The following MAML2 variants were observed in gnomAD, a reference collection of about 807,000 sequenced individuals.
MAML2 encodes the protein mastermind-like protein 2.
MAML2 carries 22 observed loss-of-function variants against 96.1 expected under a neutral mutation model. That is an observed-to-expected ratio of 0.23 (90% CI 0.16 to 0.33). The LOEUF is 0.33. Among genes scored for constraint, MAML2 ranks in the 10% least tolerant of loss-of-function variants. The pLI, the probability that MAML2 is intolerant of heterozygous loss-of-function variation, is 1.00. For missense variants in MAML2, 1,367 were observed against 1,392.4 expected (o/e 0.98, Z 0.29); for synonymous variants, 561 against 521.3 (o/e 1.08, Z -1.04).
At chr11:96,339,521 C>T (rs1408793691) in intron 1 of MAML2, among the ~76,000 whole-genome samples, 4 of 152,196 alleles carry the variant, frequency 2.6e-5, no homozygotes, top group African/African-American at 9.6e-5. Flanking sequence ...AAGGGAAGCC[C>T]ACTGTGGCTC....
At chr11:96,288,976 C>T (rs1370713190) in intron 1 of MAML2, among the ~76,000 whole-genome samples, 2 of 152,110 alleles carry the variant, frequency 1.3e-5, no homozygotes, top group African/African-American at 2.4e-5. Context: ...ACATGGCTAT[C>T]GCAGTGTACT....
intron 1 of MAML2, among the ~76,000 whole-genome samples, chr11:96,262,205 A>C (rs978454720): frequency 8.5e-5 from 13 of 152,214 alleles, no homozygotes; most frequent in African/African-American, 3.1e-4. Context: ...AAGATTAAAA[A>C]TTGTGTACGG....
At chr11:95,997,686 C>A (rs1166215357) in intron 2 of MAML2, among the ~76,000 whole-genome samples, 1 of 152,000 alleles carries the variant, frequency 6.6e-6, no homozygotes, top group African/African-American at 2.4e-5. Flanking sequence ...CTCAAAATGC[C>A]ATCCCAATCA....
chr11:95,994,686 G>C (rs1857965645), intron 2 of MAML2, among the ~76,000 whole-genome samples: 1 of 152,184 alleles, frequency 6.6e-6, no homozygotes, highest in South Asian at 2.1e-4. Flanking sequence ...CTCTCCACTT[G>C]AACCAGAATA....
At chr11:96,065,415 GCACACACACACACA>G (rs35035966) in intron 2 of MAML2, among the ~76,000 whole-genome samples, 1 of 149,462 alleles carries the variant, frequency 6.7e-6, no homozygotes, top group African/African-American at 2.5e-5. Flanking sequence ...GTGCGTGCAT[GCACACACACACACA>G]CACACACACA....
chr11:96,142,819 C>T (rs1290211870), intron 1 of MAML2, among the ~76,000 whole-genome samples: 1 of 152,140 alleles, frequency 6.6e-6, no homozygotes, highest in Non-Finnish European at 1.5e-5. Flanking sequence ...TCAGAGCAGC[C>T]TCAAAATAAT....
At chr11:95,985,503 A>T (rs761975365) in intron 4 of MAML2, 28 bp downstream of exon 4, 1 of 1,379,948 alleles carries the variant, frequency 7.2e-7, no homozygotes, top group Non-Finnish European at 1.0e-6. Context: ...CACAGCTATA[A>T]TTTTTATTAA....
At chr11:96,170,153 C>T (rs1045774246) in intron 1 of MAML2, among the ~76,000 whole-genome samples, 2 of 152,192 alleles carry the variant, frequency 1.3e-5, no homozygotes, top group African/African-American at 4.8e-5. Flanking sequence ...CTACAGTGCA[C>T]CTGCCCAGCA....
At chr11:96,239,535 CAG>C (rs1267506750) in intron 1 of MAML2, among the ~76,000 whole-genome samples, 1 of 151,536 alleles carries the variant, frequency 6.6e-6, no homozygotes, top group Non-Finnish European at 1.5e-5. Flanking sequence ...TTTCATGATT[CAG>C]AGTTTCTAAA....
intron 1 of MAML2, among the ~76,000 whole-genome samples, chr11:96,265,227 G>A (rs774914465): frequency 5.3e-5 from 8 of 152,188 alleles, no homozygotes; most frequent in Non-Finnish European, 1.2e-4. Flanking sequence ...ACAGAAAAGT[G>A]GCTGGCTTTA....
intron 1 of MAML2, among the ~76,000 whole-genome samples, chr11:96,259,415 A>G (rs1183093008): frequency 1.3e-5 from 2 of 152,242 alleles, no homozygotes; most frequent in Non-Finnish European, 2.9e-5. Context: ...CAATGCTTCC[A>G]TCTCAATAAC....
At chr11:96,287,093 T>C (rs1317130727) in intron 1 of MAML2, among the ~76,000 whole-genome samples, 1 of 152,032 alleles carries the variant, frequency 6.6e-6, no homozygotes, top group East Asian at 1.9e-4. Context: ...AGATGGGAAG[T>C]GAAAAGATGT....
chr11:96,124,334 T>A (rs980588604), intron 1 of MAML2, among the ~76,000 whole-genome samples: 1 of 151,932 alleles, frequency 6.6e-6, no homozygotes, highest in Non-Finnish European at 1.5e-5. Flanking sequence ...CACAGCTAGG[T>A]GGGGAGGAGT....
intron 2 of MAML2, among the ~76,000 whole-genome samples, chr11:96,008,267 A>G (rs1248248969): frequency 6.6e-6 from 1 of 152,196 alleles, no homozygotes; most frequent in Admixed American, 6.5e-5. Context: ...TGTAACTGAA[A>G]ACAGATCCTT....
intron 2 of MAML2, among the ~76,000 whole-genome samples, chr11:96,068,747 G>A (rs922706898): frequency 9.9e-5 from 15 of 151,108 alleles, no homozygotes; most frequent in African/African-American, 2.2e-4. Flanking sequence ...GGAGAATGGC[G>A]TGAACTCAGG....
At chr11:96,310,059 C>A (rs1489441927) in intron 1 of MAML2, among the ~76,000 whole-genome samples, 1 of 152,078 alleles carries the variant, frequency 6.6e-6, no homozygotes, top group East Asian at 1.9e-4. Flanking sequence ...ATATAGGGAG[C>A]ATACTTGCTT....
chr11:96,181,599 C>CA (rs1237676884), intron 1 of MAML2, among the ~76,000 whole-genome samples: 1 of 151,998 alleles, frequency 6.6e-6, no homozygotes, highest in African/African-American at 2.4e-5. Context: ...TCCTAAGATG[C>CA]AAAAAAATTA....
intron 1 of MAML2, among the ~76,000 whole-genome samples, chr11:96,289,718 C>T (rs542562498): frequency 2.0e-5 from 3 of 152,154 alleles, no homozygotes; most frequent in East Asian, 1.9e-4. Context: ...AGTATGATTA[C>T]GTTTACTTTT....
At chr11:96,036,629 G>A (rs1370232735) in intron 2 of MAML2, among the ~76,000 whole-genome samples, 1 of 151,824 alleles carries the variant, frequency 6.6e-6, no homozygotes, top group Admixed American at 6.6e-5. Context: ...CCATGATGAG[G>A]GAAACTAGAT....
Sources: allele counts gnomAD v4.1 joint callset (sites outside exome capture counted in the v4.1 genomes callset), GRCh38; gene constraint gnomAD v4.1.1; transcripts MANE v1.5; gene names NCBI Gene and HGNC (gene_info 2026-07-23, HGNC 2026-07-21).